Variants in GRM8 observed in about 807,000 individuals in gnomAD.
GRM8 encodes glutamate metabotropic receptor 8.
Under a neutral mutation model 87.2 loss-of-function variants are expected in GRM8, and 47 were observed. The ratio of observed to expected loss-of-function variants is 0.54; its 90% CI spans 0.43 to 0.69. The LOEUF (loss-of-function observed/expected upper bound fraction) is 0.69, where lower values mean the gene tolerates loss of function less well. GRM8 is among the 30% of genes least tolerant of loss of function. GRM8 has a pLI of 0.00. For missense variants in GRM8, 1,019 were observed against 1,139.2 expected (o/e 0.89, Z 1.52); for synonymous variants, 396 against 404.5 (o/e 0.98, Z 0.25).
chr7:126,768,150 T>C (rs1818407844), intron 7 of GRM8, among the ~76,000 whole-genome samples: 1 of 152,042 alleles, frequency 6.6e-6, no homozygotes, highest in Admixed American at 6.6e-5. Flanking sequence ...TGTCCACTAT[T>C]ATAAACTCTA....
At chr7:127,063,484 T>C (rs17869734) in intron 3 of GRM8, among the ~76,000 whole-genome samples, 73 of 151,976 alleles carry the variant, frequency 4.8e-4, no homozygotes, top group Middle Eastern at 6.8e-3. Flanking sequence ...GCTGAGGCAA[T>C]AGGATCACTT....
At chr7:126,782,312 A>AT (rs1393187557) in intron 6 of GRM8, among the ~76,000 whole-genome samples, 1 of 152,154 alleles carries the variant, frequency 6.6e-6, no homozygotes, top group Non-Finnish European at 1.5e-5. Flanking sequence ...GAACTGAGTG[A>AT]TTTTTTTCCA....
At chr7:126,764,522 C>A (rs1817980441) in intron 7 of GRM8, among the ~76,000 whole-genome samples, 1 of 152,010 alleles carries the variant, frequency 6.6e-6, no homozygotes, top group South Asian at 2.1e-4. Flanking sequence ...CCTTCAAAAT[C>A]AGACTATAGT....
chr7:126,443,441 T>C (rs1382932799), intron 10 of GRM8, among the ~76,000 whole-genome samples: 1 of 151,966 alleles, frequency 6.6e-6, no homozygotes, highest in Non-Finnish European at 1.5e-5. Context: ...AGGATGGCCA[T>C]GGAAGTGAAC....
intron 9 of GRM8, among the ~76,000 whole-genome samples, chr7:126,446,809 A>G (rs938180119): frequency 2.6e-5 from 4 of 151,960 alleles, no homozygotes; most frequent in African/African-American, 9.7e-5. Context: ...GGAGTGCAAC[A>G]TTCCAGAACA....
intron 2 of GRM8, among the ~76,000 whole-genome samples, chr7:127,165,153 T>TATATATGA (rs1195387255): frequency 2.2e-5 from 1 of 46,458 alleles, no homozygotes; most frequent in Admixed American, 1.7e-4. Context: ...TATATATATA[T>TATATATGA]ATATATATAT....
intron 7 of GRM8, among the ~76,000 whole-genome samples, chr7:126,652,619 T>C (rs1170569334): frequency 6.6e-6 from 1 of 152,150 alleles, no homozygotes; most frequent in African/African-American, 2.4e-5. Context: ...TGGCTTAGCC[T>C]CCAATCCTAC....
At chr7:126,525,663 C>A (rs576169972) in intron 9 of GRM8, among the ~76,000 whole-genome samples, 3 of 152,256 alleles carry the variant, frequency 2.0e-5, no homozygotes, top group African/African-American at 7.2e-5. Flanking sequence ...TAAATCAGAC[C>A]CAACTGGCTT....
chr7:127,103,258 C>T (rs1825493548), intron 3 of GRM8, among the ~76,000 whole-genome samples: 1 of 152,148 alleles, frequency 6.6e-6, no homozygotes, highest in African/African-American at 2.4e-5. Flanking sequence ...ATATTTATCC[C>T]CACCCAAATC....
At chr7:127,214,050 T>C (rs1294835251) in intron 2 of GRM8, among the ~76,000 whole-genome samples, 1 of 152,234 alleles carries the variant, frequency 6.6e-6, no homozygotes, top group African/African-American at 2.4e-5. Flanking sequence ...AGTTCTTTTA[T>C]CCTTTTTCAT....
At chr7:126,734,154 A>C (rs1453213499) in intron 7 of GRM8, among the ~76,000 whole-genome samples, 1 of 151,990 alleles carries the variant, frequency 6.6e-6, no homozygotes, top group Non-Finnish European at 1.5e-5. Context: ...ATAATATACT[A>C]CTGAGAGATA....
chr7:127,127,038 C>A (rs1457675852), intron 2 of GRM8, among the ~76,000 whole-genome samples: 1 of 151,978 alleles, frequency 6.6e-6, no homozygotes, highest in African/African-American at 2.4e-5. Flanking sequence ...TACATACTTA[C>A]TAGAATTCCT....
chr7:126,647,082 C>T (rs58752001), intron 7 of GRM8, among the ~76,000 whole-genome samples: 46,777 of 151,924 alleles, frequency 0.31, 8,069 homozygotes, highest in East Asian at 0.43. Context: ...GCAAACTTCA[C>T]AGTATCTTTT....
intron 6 of GRM8, among the ~76,000 whole-genome samples, chr7:126,815,471 G>GTAA (rs1244615422): frequency 6.6e-6 from 1 of 152,112 alleles, no homozygotes; most frequent in Non-Finnish European, 1.5e-5. Context: ...TGCCCTAGAT[G>GTAA]TAATACACAT....
At chr7:126,492,451 A>G (rs1808134592) in intron 9 of GRM8, among the ~76,000 whole-genome samples, 1 of 152,078 alleles carries the variant, frequency 6.6e-6, no homozygotes, top group South Asian at 2.1e-4. Flanking sequence ...TATTCACACT[A>G]TATACATGAA....
At chr7:126,814,665 G>C (rs576370725) in intron 6 of GRM8, among the ~76,000 whole-genome samples, 16 of 151,084 alleles carry the variant, frequency 1.1e-4, no homozygotes, top group Admixed American at 9.9e-4. Flanking sequence ...TTTCCATAGA[G>C]CTCTGATTGT....
chr7:127,197,248 A>G (rs943338649), intron 2 of GRM8, among the ~76,000 whole-genome samples: 2 of 152,212 alleles, frequency 1.3e-5, no homozygotes, highest in Non-Finnish European at 2.9e-5. Context: ...TCTACTTTTT[A>G]AATGCTCATG....
chr7:127,105,028 C>G (rs1278542883), intron 3 of GRM8, among the ~76,000 whole-genome samples: 1 of 152,186 alleles, frequency 6.6e-6, no homozygotes, highest in Non-Finnish European at 1.5e-5. Context: ...TATTTCAATA[C>G]ATACTCTATT....
intron 7 of GRM8, among the ~76,000 whole-genome samples, chr7:126,625,429 G>A (rs1453479598): frequency 6.7e-6 from 1 of 148,864 alleles, no homozygotes; most frequent in African/African-American, 2.5e-5. Flanking sequence ...GTTTTGGTGT[G>A]TTAAAAAAAA....
Sources: allele counts gnomAD v4.1 joint callset (sites outside exome capture counted in the v4.1 genomes callset), GRCh38; gene constraint gnomAD v4.1.1; transcripts MANE v1.5; gene names NCBI Gene and HGNC (gene_info 2026-07-23, HGNC 2026-07-21).